The following ABHD2 variants were observed in gnomAD, a reference collection of about 807,000 sequenced individuals.
The protein encoded by ABHD2 is monoacylglycerol lipase ABHD2.
ABHD2 carries 20 observed loss-of-function variants against 48.1 expected under a neutral mutation model. The observed-to-expected ratio is 0.42, with a 90% CI of 0.29 to 0.60. The LOEUF is 0.60. Ranked by LOEUF, ABHD2 falls within the 20% of genes least tolerant of loss-of-function variation. The pLI is 0.24. For synonymous variants in ABHD2, 209 were observed against 214.2 expected, an observed-to-expected ratio of 0.98 and a Z score of 0.21; for missense variants, 405 against 550.9, an observed-to-expected ratio of 0.74 and a Z score of 2.65.
At chr15:89,044,706 T>G in the ABHD2 span, among the ~76,000 whole-genome samples, 259 of 152,274 alleles carry the variant, frequency 1.7e-3, 1 homozygote, top group Non-Finnish European at 2.7e-3. Context: ...TGTCTTCTTT[T>G]GAGAAGTGTC....
the ABHD2 span, among the ~76,000 whole-genome samples, chr15:89,044,232 CTCA>C: frequency 6.6e-6 from 1 of 152,280 alleles, no homozygotes; most frequent in Middle Eastern, 3.4e-3. Context: ...AGGACATGAA[CTCA>C]TCATTTTTTA....
the ABHD2 span, among the ~76,000 whole-genome samples, chr15:89,053,910 G>C: frequency 6.6e-6 from 1 of 152,154 alleles, no homozygotes; most frequent in African/African-American, 2.4e-5. Context: ...TCCGCATGGA[G>C]CCTTGAAATG....
chr15:89,122,644 G>T (rs901921468), intron 3 of ABHD2, among the ~76,000 whole-genome samples: 38 of 152,236 alleles, frequency 2.5e-4, no homozygotes, highest in African/African-American at 8.2e-4. Context: ...CATAATGGCA[G>T]TTCACAGCCT....
In ABHD2 at chr15:89,191,093, T is replaced by C. The variant is rs374206617; in HGVS notation, c.940T>C (p.Tyr314His). Residue 314 changes from tyrosine (Y) to histidine (H), a missense_variant, in exon 9 of 11, where the codon TAT becomes CAT. By Grantham distance (83) the Tyr-to-His change is moderately conservative. Coordinates refer to ENST00000352732, the MANE Select transcript of ABHD2 (RefSeq NM_152924.5). ...DDNVMRKFHG[Y>H]NSLKEYYEEE... ...GGTGTGTTGCAGGAAGTTTCACGGC[T>C]ATAACTCCCTGAAGGAATACTATGA... The C allele has an allele frequency of 4.3e-6, 7 of 1,613,870 alleles. No homozygotes were observed. The highest frequency in any genetic ancestry group is 5.9e-6 in the Non-Finnish European group (7 of 1,180,018).
intron 6 of ABHD2, among the ~76,000 whole-genome samples, chr15:89,180,677 A>G (rs1318737674): frequency 2.0e-5 from 3 of 152,108 alleles, no homozygotes; most frequent in Non-Finnish European, 4.4e-5. Context: ...CCGGCTGTGC[A>G]AGGCAGGAGC....
Position 89,184,574 on chromosome 15 carries a change from A to G in ABHD2, c.723-850A>G, listed in dbSNP as rs572359919. Among the ~76,000 whole-genome samples, 1,820 of 152,220 alleles carry G rather than the reference A, an allele frequency of 0.012. 19 individuals are homozygous for G. Among genetic ancestry groups the G allele is most frequent in the Middle Eastern group, 0.024 (7 of 294 alleles). On this transcript the variant is annotated intron_variant, in intron 6 of 10. Coordinates refer to ENST00000352732, the MANE Select transcript of ABHD2 (RefSeq NM_152924.5). The surrounding 1 kb of genome is among the most constrained non-coding windows in gnomAD (Gnocchi z 5.1). ...GGGCTGGGCAGGCATGGCTGGTGGG[A>G]GTGAGCCCACTGGTGTTTGTTCACC...
intron 3 of ABHD2, among the ~76,000 whole-genome samples, chr15:89,128,038 C>T (rs1366782119): frequency 6.6e-6 from 1 of 152,142 alleles, no homozygotes; most frequent in African/African-American, 2.4e-5. Flanking sequence ...GGCTTAAGGA[C>T]AGAGACTGTC....
In ABHD2 at chr15:89,137,342, T is replaced by C. The variant is rs1448348242; in HGVS notation, c.195-14335T>C. On this transcript the variant is annotated intron_variant, in intron 3 of 10. Coordinates refer to ENST00000352732, the MANE Select transcript of ABHD2 (RefSeq NM_152924.5). This position sits in a 1 kb window ranked among gnomAD's most constrained non-coding sequence, Gnocchi z 4.8. ...AACATGTGGATACAGTTCTGAGGGG[T>C]TTTAACTGGTTTTCTTTGAACTTTA... Among the ~76,000 whole-genome samples, 2 of 152,062 alleles carry C rather than the reference T, an allele frequency of 1.3e-5. No homozygotes were observed. Among genetic ancestry groups the C allele is most frequent in the South Asian group, 2.1e-4 (1 of 4,828 alleles).
intron 5 of ABHD2, among the ~76,000 whole-genome samples, chr15:89,160,484 GCCTA>G (rs147646694): frequency 0.055 from 8,222 of 149,728 alleles, 771 homozygotes; most frequent in African/African-American, 0.19. Flanking sequence ...GCTCTTGTCT[GCCTA>G]CCTGTTTTTT....
rs967246469 is a variant in ABHD2 at position 89,175,460 on chromosome 15, A to G, written c.539-352A>G. The stretch of plus-strand genomic sequence containing the variant: ...GGTCTGTGTGTGAGCATATGTGCTC[A>G]TGCACACCCTGAAATCTGCTTTGAT... On this transcript the variant is annotated intron_variant, in intron 5 of 10. Transcript: ENST00000352732. The surrounding 1 kb of genome is among the most constrained non-coding windows in gnomAD (Gnocchi z 5.7). Among the ~76,000 whole-genome samples the G allele has an allele frequency of 6.6e-5, 10 of 152,196 alleles. No individual in the cohort carries two copies. The highest frequency in any genetic ancestry group is 2.4e-4 in the African/African-American group (10 of 41,440).
rs758370032 is a variant in ABHD2, at chr15:89,185,421, C to T, written c.723-3C>T. On this transcript the variant is annotated splice_region_variant and splice_polypyrimidine_tract_variant and intron_variant, in intron 6 of 10. Coordinates refer to ENST00000352732, the MANE Select transcript of ABHD2 (RefSeq NM_152924.5). The surrounding 1 kb of genome is among the most constrained non-coding windows in gnomAD (Gnocchi z 5.9). The stretch of plus-strand genomic sequence containing the variant: ...TCACCCTCACTCGCTGTGGTTCTTC[C>T]AGGGCCCAGGAAACCTTCATGCAAT... The T allele has an allele frequency of 6.2e-7, 1 of 1,614,018 alleles. No individual in the cohort carries two copies. Among genetic ancestry groups the T allele is most frequent in the South Asian group, 1.1e-5 (1 of 91,068 alleles).
chr15:89,167,987 T>A lies in ABHD2; in HGVS notation c.539-7825T>A, dbSNP rs531279019. Among the ~76,000 whole-genome samples, 1 of 152,346 alleles carries A rather than the reference T, an allele frequency of 6.6e-6. No homozygotes were observed. The highest frequency in any genetic ancestry group is 6.5e-5 in the Admixed American group (1 of 15,304). ...ACTTCCTTCTTATCCACCTGACATTTTGTGGCATATCCACAGATGCCATGC... is the reference window on the plus strand; with the variant it reads ...ACTTCCTTCTTATCCACCTGACATTATGTGGCATATCCACAGATGCCATGC... On this transcript the variant is annotated intron_variant, in intron 5 of 10. Coordinates refer to ENST00000352732, the MANE Select transcript of ABHD2 (RefSeq NM_152924.5). This position sits in a 1 kb window ranked among gnomAD's most constrained non-coding sequence, Gnocchi z 5.5.
rs372855578 is a variant in ABHD2 at position 89,134,108 on chromosome 15, G to T, written c.195-17569G>T. ...CCGCCTCAGCCTCCCAGAGTGCTGG[G>T]ATTACAGGCGTGAGCCACGGCGCCC... On this transcript the variant is annotated intron_variant, in intron 3 of 10. Transcript: ENST00000352732. 1.9e-3 allele frequency among the ~76,000 whole-genome samples: 292 copies of T among 152,248 alleles called. 3 individuals carry two copies. Among genetic ancestry groups the T allele is most frequent in the East Asian group, 0.015 (80 of 5,178 alleles).
chr15:89,084,134 G>A (rs975550325), upstream of ABHD2, among the ~76,000 whole-genome samples: 5 of 151,066 alleles, frequency 3.3e-5, no homozygotes, highest in Non-Finnish European at 7.4e-5. The surrounding 1 kb of genome is among the most constrained non-coding windows in gnomAD (Gnocchi z 4.4). Context: ...ACCTTAACTC[G>A]GTCCTCAAAC....
chr15:89,131,254 C>A (rs1596095399), intron 3 of ABHD2, among the ~76,000 whole-genome samples: 1 of 152,224 alleles, frequency 6.6e-6, no homozygotes, highest in African/African-American at 2.4e-5. Context: ...CACATCAGAT[C>A]TCTCCACATT....
At chr15:89,123,576 CCTTTCTTT>C (rs1159161716) in intron 3 of ABHD2, among the ~76,000 whole-genome samples, 24 of 143,286 alleles carry the variant, frequency 1.7e-4, no homozygotes, top group African/African-American at 6.1e-4. Context: ...TTTTTTTTCT[CCTTTCTTT>C]CTTTCTTTCT....
rs1030015122 is a variant in ABHD2, at chr15:89,201,130, A to C, written c.*5707A>C. 56 of 1,175,558 alleles carry C rather than the reference A, an allele frequency of 4.8e-5. No homozygotes were observed. In the Admixed American group the frequency reaches 9.8e-4, roughly 21 times the overall value. 72.8% of individuals were successfully genotyped at this position (1,175,558 alleles called of 1,614,324 possible). On this transcript the variant is annotated 3_prime_UTR_variant, in exon 11 of 11. Coordinates refer to ENST00000352732, the MANE Select transcript of ABHD2 (RefSeq NM_152924.5). ...TGAAAATGGCTGCAATTACAACAAG[A>C]AGTGAAGGAAGAAGACTGGTGACAT...
chr15:89,041,458 G>A, the ABHD2 span, among the ~76,000 whole-genome samples: 1 of 152,136 alleles, frequency 6.6e-6, no homozygotes, highest in Non-Finnish European at 1.5e-5. Flanking sequence ...GTATTCACCC[G>A]CCTAAGGGCA....
At position 89,185,531 on chromosome 15, in the gene ABHD2, G is replaced by C. The variant is rs376550242; in HGVS notation, c.815+15G>C. 2.5e-6 allele frequency: 4 copies of C among 1,609,368 alleles called. No individual in the cohort carries two copies. Among genetic ancestry groups the C allele is most frequent in the South Asian group, 1.1e-5 (1 of 90,978 alleles). On this transcript the variant is annotated intron_variant, in intron 7 of 10. Coordinates refer to ENST00000352732, the MANE Select transcript of ABHD2 (RefSeq NM_152924.5). The surrounding 1 kb of genome is among the most constrained non-coding windows in gnomAD (Gnocchi z 5.9). ...CTCTCGCACAGGTAGGTCACCTTCCGTTCTCTCTCAGGAGACAGACAGTTC... is the reference window on the plus strand; with the variant it reads ...CTCTCGCACAGGTAGGTCACCTTCCCTTCTCTCTCAGGAGACAGACAGTTC...
Sources: gnomAD v4.1 joint callset for allele counts (sites outside exome capture counted in the v4.1 genomes callset) on GRCh38, gnomAD v4.1.1 for gene constraint, Gnocchi (gnomAD v3.1) non-coding constraint, MANE v1.5 for transcripts, NCBI Gene and HGNC (gene_info 2026-07-23, HGNC 2026-07-21) for gene names.